Variants in TBCK observed in about 807,000 individuals in gnomAD.
The protein encoded by TBCK is TBC1 domain containing kinase, also known as TBC domain-containing protein kinase-like protein.
Under a neutral mutation model 113.4 loss-of-function variants are expected in TBCK, and 99 were observed. The observed-to-expected ratio is 0.87, with a 90% confidence interval of 0.74 to 1.03. The LOEUF is 1.03. Among genes scored for constraint, TBCK ranks in the 50% least tolerant of loss-of-function variants. The pLI is 0.00. For missense variants in TBCK, 1,045 were observed against 1,061.3 expected, an observed-to-expected ratio of 0.98 and a Z score of 0.21; for synonymous variants, 369 against 370.8, an observed-to-expected ratio of 1.00 and a Z score of 0.05.
chr4:106,132,873 T>C (rs1395093589), intron 23 of TBCK, among the ~76,000 whole-genome samples: 1 of 152,222 alleles, frequency 6.6e-6, no homozygotes, highest in Non-Finnish European at 1.5e-5. Flanking sequence ...CCCTCTTGTT[T>C]TGGCCAATTT....
intron 20 of TBCK, among the ~76,000 whole-genome samples, chr4:106,212,317 C>G (rs939506601): frequency 8.5e-5 from 13 of 152,114 alleles, no homozygotes; most frequent in African/African-American, 2.9e-4. Flanking sequence ...GTTTGATTTT[C>G]AACTCTGACT....
intron 23 of TBCK, among the ~76,000 whole-genome samples, chr4:106,166,172 T>C (rs1300102920): frequency 6.6e-6 from 1 of 151,644 alleles, no homozygotes; most frequent in Non-Finnish European, 1.5e-5. Flanking sequence ...ACTAATATAT[T>C]TGAACCTTCA....
chr4:106,223,636 C>G (rs1757939793), intron 19 of TBCK, among the ~76,000 whole-genome samples: 1 of 152,052 alleles, frequency 6.6e-6, no homozygotes, highest in South Asian at 2.1e-4. Flanking sequence ...AAACTTTCTC[C>G]TAATTTCCCA....
chr4:106,114,576 C>T (rs1411564051), intron 24 of TBCK, among the ~76,000 whole-genome samples: 3 of 152,176 alleles, frequency 2.0e-5, no homozygotes, highest in African/African-American at 7.2e-5. Context: ...TATAAGCAGC[C>T]AGGTCCTCTA....
At chr4:106,104,046 G>A (rs548906688) in intron 24 of TBCK, among the ~76,000 whole-genome samples, 1 of 152,194 alleles carries the variant, frequency 6.6e-6, no homozygotes, top group Non-Finnish European at 1.5e-5. Flanking sequence ...TCTTCAGTCT[G>A]ACGGACAGAG....
At chr4:106,098,797 G>T (rs998402537) in intron 24 of TBCK, among the ~76,000 whole-genome samples, 1 of 151,988 alleles carries the variant, frequency 6.6e-6, no homozygotes, top group Non-Finnish European at 1.5e-5. Context: ...ATCTTACCCT[G>T]TCTTGGAGTA....
intron 20 of TBCK, among the ~76,000 whole-genome samples, 195 bp from the exon 21 acceptor site, chr4:106,194,949 T>G (rs969723923): frequency 6.6e-6 from 1 of 152,132 alleles, no homozygotes; most frequent in South Asian, 2.1e-4. Context: ...GGCCTAAAGA[T>G]TTCTCCATAC....
chr4:106,262,178 G>A lies in TBCK; in HGVS notation c.301C>T (p.Leu101Phe), dbSNP rs1316600332. The A allele has an allele frequency of 1.3e-6, 2 of 1,548,142 alleles. No homozygotes were observed. ...STVLCIAFEV[L>F]QGLQYMNKHG... ...TTGTTCATATACTGCAAGCCCTGAAGAACCTCAAATGCTATACACAAAACC... is the reference window on the plus strand; with the variant it reads ...TTGTTCATATACTGCAAGCCCTGAAAAACCTCAAATGCTATACACAAAACC... The change falls in exon 4 of 26, where the codon CTT becomes TTT. Residue 101 changes from leucine to phenylalanine, a missense_variant. By Grantham distance (22) the Leu-to-Phe change is conservative. Transcript: ENST00000394708.
At chr4:106,155,808 T>G (rs373101032) in intron 23 of TBCK, among the ~76,000 whole-genome samples, 1 of 152,266 alleles carries the variant, frequency 6.6e-6, no homozygotes, top group Non-Finnish European at 1.5e-5. Flanking sequence ...TTGAATTTCT[T>G]TGAGTTTCCT....
At chr4:106,056,878 T>C (rs777904248) in intron 25 of TBCK, among the ~76,000 whole-genome samples, 5 of 151,804 alleles carry the variant, frequency 3.3e-5, no homozygotes, top group African/African-American at 7.2e-5. Context: ...ATTTTGATAA[T>C]AGTTAAGTCT....
At chr4:106,230,075 C>T (rs1337652817) in intron 19 of TBCK, among the ~76,000 whole-genome samples, 1 of 151,890 alleles carries the variant, frequency 6.6e-6, no homozygotes, top group Non-Finnish European at 1.5e-5. Context: ...TTTTTGTGAG[C>T]AATTTTGATT....
chr4:106,188,995 TCCACCACAAAC>T (rs1753353010), intron 22 of TBCK, among the ~76,000 whole-genome samples: 4 of 152,132 alleles, frequency 2.6e-5, no homozygotes, highest in African/African-American at 9.7e-5. Context: ...ATGCAGTATT[TCCACCACAAAC>T]AAGACTGACA....
intron 22 of TBCK, among the ~76,000 whole-genome samples, chr4:106,179,619 T>C (rs1027747082): frequency 2.6e-5 from 4 of 152,138 alleles, no homozygotes; most frequent in Non-Finnish European, 5.9e-5. Context: ...AAATTTGATA[T>C]AATTTTGATT....
chr4:106,299,193 C>T (rs986790178), intron 2 of TBCK, among the ~76,000 whole-genome samples: 1 of 152,230 alleles, frequency 6.6e-6, no homozygotes, highest in Non-Finnish European at 1.5e-5. Context: ...ATAAAGATAA[C>T]TGTTAGATGA....
At chr4:106,259,729 T>A (rs967377491) in intron 5 of TBCK, among the ~76,000 whole-genome samples, 4 of 151,886 alleles carry the variant, frequency 2.6e-5, no homozygotes, top group Non-Finnish European at 4.4e-5. Flanking sequence ...TTATACTATT[T>A]TTGTAACTAT....
chr4:106,073,350 G>A (rs1560607182), intron 25 of TBCK, among the ~76,000 whole-genome samples: 1 of 152,114 alleles, frequency 6.6e-6, no homozygotes, highest in Non-Finnish European at 1.5e-5. Context: ...CTTCTAACAG[G>A]TCCCTCAGCT....
rs1020115025 is a variant in TBCK, at chr4:106,046,793, A to G, written c.2572-113T>C. The G allele has an allele frequency of 7.0e-6, 4 of 569,466 alleles. No individual in the cohort carries two copies. The African/African-American group carries it at 7.6e-5, about 11-fold the overall frequency. 35.3% of individuals were successfully genotyped at this position (569,466 alleles called of 1,614,324 possible). On this transcript the variant is annotated intron_variant, in intron 25 of 25. Coordinates refer to ENST00000394708, the MANE Select transcript of TBCK (RefSeq NM_001163435.3). ...TTAATTTAATGTTATGATTGCTGCC[A>G]CCACTGTATAATAAGTTGTCAACTT...
intron 20 of TBCK, among the ~76,000 whole-genome samples, chr4:106,207,698 C>T (rs1755684869): frequency 1.3e-5 from 2 of 152,030 alleles, no homozygotes; most frequent in Admixed American, 1.3e-4. Flanking sequence ...AAAAAGGCCT[C>T]ATCATTTTTA....
In TBCK at chr4:106,236,441, C is replaced by T. The variant is rs2150010218; in HGVS notation, c.1299G>A (p.Lys433=). ...TTCTATTTAGTTGGTACTCTGTATCCTTCTCTCTGATGATTAAAGGGAGCG... is the reference window on the plus strand; with the variant it reads ...TTCTATTTAGTTGGTACTCTGTATCTTTCTCTCTGATGATTAAAGGGAGCG... ...AATLPLIIRE[K]DTEYQLNRII... Residue 433 remains lysine, a synonymous_variant, in exon 14 of 26, where the codon AAG becomes AAA. Transcript: ENST00000394708. 1 of 1,574,248 alleles carries T rather than the reference C, an allele frequency of 6.4e-7. No homozygotes were observed. Among genetic ancestry groups the T allele is most frequent in the Non-Finnish European group, 8.6e-7 (1 of 1,159,056 alleles).
Sources: gnomAD v4.1 joint callset for allele counts (sites outside exome capture counted in the v4.1 genomes callset) on GRCh38, gnomAD v4.1.1 for gene constraint, MANE v1.5 for transcripts, NCBI Gene and HGNC (gene_info 2026-07-23, HGNC 2026-07-21) for gene names.